The following LMX1A variants were observed in gnomAD, a reference collection of about 807,000 sequenced individuals.
The protein encoded by LMX1A is LIM homeobox transcription factor 1 alpha, also known as LIM homeobox transcription factor 1-alpha.
In LMX1A, 15 loss-of-function variants were observed where a neutral mutation model predicts 49.1. The observed-to-expected ratio is 0.31, with a 90% CI of 0.20 to 0.47. The LOEUF is 0.47. LMX1A is among the 20% of genes least tolerant of loss of function. The probability of loss-of-function intolerance (pLI) is 1.00; values close to 1 mark genes in which losing one functional copy is unlikely to be tolerated. For missense variants in LMX1A, 372 were observed against 475.8 expected (o/e 0.78, Z 2.03); for synonymous variants, 167 against 185.7 (o/e 0.90, Z 0.82).
At chr1:165,233,475 A>G (rs1029656310) in intron 4 of LMX1A, among the ~76,000 whole-genome samples, 5 of 152,146 alleles carry the variant, frequency 3.3e-5, no homozygotes, top group African/African-American at 1.2e-4. Context: ...AAGAAAAACT[A>G]CCCAGTTTTA....
At chr1:165,230,470 G>C (rs1376925332) in intron 4 of LMX1A, among the ~76,000 whole-genome samples, 2 of 152,124 alleles carry the variant, frequency 1.3e-5, no homozygotes, top group African/African-American at 4.8e-5. Flanking sequence ...AACTTCTCAA[G>C]TTTTATTTTT....
At chr1:165,280,901 C>T (rs994164232) in intron 3 of LMX1A, among the ~76,000 whole-genome samples, 3 of 152,176 alleles carry the variant, frequency 2.0e-5, no homozygotes, top group Admixed American at 6.5e-5. Flanking sequence ...ATAGGGCCTT[C>T]GTAACAGTCA....
intron 3 of LMX1A, among the ~76,000 whole-genome samples, chr1:165,295,467 A>G (rs1654590370): frequency 1.4e-5 from 2 of 147,902 alleles, no homozygotes; most frequent in African/African-American, 2.5e-5. Context: ...TATATATAAT[A>G]TATATTATTA....
intron 4 of LMX1A, among the ~76,000 whole-genome samples, chr1:165,233,500 C>T (rs1219080020): frequency 6.6e-6 from 1 of 152,180 alleles, no homozygotes; most frequent in African/African-American, 2.4e-5. Flanking sequence ...CTCAGCTTTT[C>T]TGTGATTCCC....
intron 4 of LMX1A, among the ~76,000 whole-genome samples, chr1:165,240,387 C>T (rs943457623): frequency 6.6e-6 from 1 of 151,968 alleles, no homozygotes; most frequent in Non-Finnish European, 1.5e-5. Context: ...AGATTGATCT[C>T]CAAGCTATGT....
At chr1:165,255,693 GT>G (rs761736704) in intron 3 of LMX1A, among the ~76,000 whole-genome samples, 1 of 152,168 alleles carries the variant, frequency 6.6e-6, no homozygotes, top group Non-Finnish European at 1.5e-5. Context: ...ATGAGTTCTG[GT>G]CAGGTTCAGT....
intron 3 of LMX1A, among the ~76,000 whole-genome samples, chr1:165,276,432 TAGCTGTAAGTCCCAGAAAGA>T (rs1427295130): frequency 2.6e-5 from 4 of 152,204 alleles, no homozygotes; most frequent in African/African-American, 9.6e-5. Flanking sequence ...CAGAAACATG[TAGCTGTAAGTCCCAGAAAGA>T]ATCTGCACAT....
chr1:165,276,446 A>G (rs1035785794), intron 3 of LMX1A, among the ~76,000 whole-genome samples: 4 of 152,238 alleles, frequency 2.6e-5, no homozygotes, highest in Non-Finnish European at 5.9e-5. Flanking sequence ...TGTAAGTCCC[A>G]GAAAGAATCT....
intron 3 of LMX1A, among the ~76,000 whole-genome samples, chr1:165,321,577 C>A (rs1455667154): frequency 6.6e-6 from 1 of 152,086 alleles, no homozygotes; most frequent in Non-Finnish European, 1.5e-5. Context: ...GGTCAAGAAC[C>A]CACCATGCCT....
chr1:165,246,337 A>C (rs535888027), intron 4 of LMX1A, among the ~76,000 whole-genome samples: 1 of 152,334 alleles, frequency 6.6e-6, no homozygotes, highest in African/African-American at 2.4e-5. Context: ...TGATGAAATG[A>C]GTAGTTCAGA....
intron 3 of LMX1A, among the ~76,000 whole-genome samples, chr1:165,341,700 G>A (rs560043543): frequency 1.3e-5 from 2 of 152,096 alleles, no homozygotes; most frequent in African/African-American, 4.8e-5. Flanking sequence ...TTCTATCCCT[G>A]TGGCCATGCC....
intron 4 of LMX1A, among the ~76,000 whole-genome samples, chr1:165,219,410 G>T (rs1267375084): frequency 6.6e-6 from 1 of 152,090 alleles, no homozygotes; most frequent in Non-Finnish European, 1.5e-5. Context: ...TTTAGACAGG[G>T]GGAGTAGAGG....
chr1:165,212,054 G>A (rs1651422821), intron 5 of LMX1A, among the ~76,000 whole-genome samples: 1 of 152,194 alleles, frequency 6.6e-6, no homozygotes, highest in South Asian at 2.1e-4. Context: ...CCCAATTTGG[G>A]GGCATTTTAC....
At chr1:165,331,602 T>C (rs1506948) in intron 3 of LMX1A, among the ~76,000 whole-genome samples, 124,714 of 152,238 alleles carry the variant, frequency 0.82, 51,267 homozygotes, top group Middle Eastern at 0.91. Context: ...GATAGATAAA[T>C]AGAAGTTTTC....
intron 3 of LMX1A, among the ~76,000 whole-genome samples, chr1:165,279,386 A>T (rs1250293388): frequency 6.6e-6 from 1 of 152,202 alleles, no homozygotes; most frequent in African/African-American, 2.4e-5. Flanking sequence ...CCCTCTTTAC[A>T]ATAACGCTCA....
At chr1:165,215,522 C>A (rs573207597) in intron 4 of LMX1A, among the ~76,000 whole-genome samples, 1 of 152,304 alleles carries the variant, frequency 6.6e-6, no homozygotes, top group South Asian at 2.1e-4. Context: ...TGTGTGTGAG[C>A]TACACATCCT....
intron 3 of LMX1A, among the ~76,000 whole-genome samples, chr1:165,308,263 T>G (rs912791433): frequency 6.6e-6 from 1 of 152,194 alleles, no homozygotes; most frequent in African/African-American, 2.4e-5. Flanking sequence ...GAGAACCAGA[T>G]GCCAGGGAGG....
At chr1:165,206,179 G>C in intron 7 of LMX1A, 145 bp from the exon 8 acceptor site, 1 of 668,062 alleles carries the variant, frequency 1.5e-6, no homozygotes, top group Non-Finnish European at 2.4e-6. Flanking sequence ...AGGCCATCAG[G>C]AATCACCTTG....
intron 4 of LMX1A, among the ~76,000 whole-genome samples, chr1:165,244,002 C>A (rs568907644): frequency 3.5e-4 from 53 of 152,184 alleles, no homozygotes; most frequent in Non-Finnish European, 6.6e-4. Flanking sequence ...GCCCCTAACC[C>A]CTAATCCTTC....
Sources: allele counts gnomAD v4.1 joint callset (sites outside exome capture counted in the v4.1 genomes callset), GRCh38; gene constraint gnomAD v4.1.1; transcripts MANE v1.5; gene names NCBI Gene and HGNC (gene_info 2026-07-23, HGNC 2026-07-21).